ETNK1: variants seen among roughly 807,000 people sequenced by gnomAD.
The protein encoded by ETNK1 is ethanolamine kinase 1, also known as putative protein product of Nbla10396.
Under a neutral mutation model 45.1 loss-of-function variants are expected in ETNK1, and 8 were observed. That is an observed-to-expected ratio of 0.18 (90% confidence interval 0.10 to 0.32). ETNK1 has a LOEUF of 0.32. Among genes scored for constraint, ETNK1 ranks in the 10% least tolerant of loss-of-function variants. The probability of loss-of-function intolerance (pLI) is 1.00; values close to 1 mark genes in which losing one functional copy is unlikely to be tolerated. For synonymous variants in ETNK1, 152 were observed against 151.9 expected (o/e 1.00, Z -0.01); for missense variants, 302 against 430.6 (o/e 0.70, Z 2.64).
chr12:22,679,191 C>G (rs1323472655), intron 6 of ETNK1, among the ~76,000 whole-genome samples: 1 of 152,218 alleles, frequency 6.6e-6, no homozygotes, highest in Non-Finnish European at 1.5e-5. Flanking sequence ...GTTTGAAAGT[C>G]TCAAAACCAG....
At chr12:22,657,248 T>G (rs1159267956) in intron 2 of ETNK1, among the ~76,000 whole-genome samples, 2 of 152,248 alleles carry the variant, frequency 1.3e-5, no homozygotes, top group Non-Finnish European at 2.9e-5. Context: ...AATAAATGTT[T>G]ATTTACTCAT....
intron 2 of ETNK1, among the ~76,000 whole-genome samples, chr12:22,647,125 G>A (rs1169338205): frequency 1.3e-5 from 2 of 151,744 alleles, no homozygotes; most frequent in Admixed American, 1.3e-4. Flanking sequence ...CTTTTTTGTA[G>A]CAATCAGTTA....
intron 2 of ETNK1, among the ~76,000 whole-genome samples, chr12:22,656,079 A>T (rs529832235): frequency 8.5e-5 from 13 of 152,342 alleles, no homozygotes; most frequent in African/African-American, 2.6e-4. Context: ...AAATTTCATT[A>T]ACCTGTAAAT....
In ETNK1 at chr12:22,671,366, T is replaced by G. The variant is rs1354817871; in HGVS notation, c.784+11T>G. ...TCAATGAATTTGCAGGTATAACTAA[T>G]GGAGTAACTTATTTAGCTTTGAAAC... is the stretch of plus-strand genomic sequence containing the variant. On this transcript the variant is annotated intron_variant, in intron 5 of 7. Coordinates refer to ENST00000266517, the MANE Select transcript of ETNK1 (RefSeq NM_018638.5). 4.1e-6 allele frequency: 6 copies of G among 1,468,474 alleles called. No individual in the cohort carries two copies. In the African/African-American group the frequency reaches 8.3e-5, roughly 20 times the overall value. 91.0% of individuals were successfully genotyped at this position (1,468,474 alleles called of 1,614,324 possible).
chr12:22,670,078 TTTTC>T (rs1416749453), intron 4 of ETNK1, among the ~76,000 whole-genome samples: 1 of 152,108 alleles, frequency 6.6e-6, no homozygotes, highest in Admixed American at 6.5e-5. Flanking sequence ...GTAATTTTGT[TTTTC>T]TTTGTGTTTG....
intron 1 of ETNK1, among the ~76,000 whole-genome samples, chr12:22,626,718 A>G (rs1953503546): frequency 6.6e-6 from 1 of 152,224 alleles, no homozygotes; most frequent in Non-Finnish European, 1.5e-5. Flanking sequence ...TAAGCAGATT[A>G]TTTTAAAGGA....
chr12:22,653,291 G>C (rs1388289146), intron 2 of ETNK1, among the ~76,000 whole-genome samples: 3 of 152,120 alleles, frequency 2.0e-5, no homozygotes, highest in African/African-American at 7.2e-5. Context: ...ATCAGGAAGT[G>C]AAAGACTTCC....
intron 1 of ETNK1, among the ~76,000 whole-genome samples, chr12:22,634,808 G>T (rs749189346): frequency 4.7e-4 from 72 of 152,012 alleles, no homozygotes; most frequent in Admixed American, 5.2e-4. Context: ...GCTCACCTTG[G>T]CCTCCCAAAG....
chr12:22,656,662 G>A, intron 2 of ETNK1: 1 of 985,342 alleles, frequency 1.0e-6, no homozygotes, highest in Non-Finnish European at 1.2e-6. Context: ...AGTTCTGACA[G>A]TTCCAGCACG....
At chr12:22,654,961 T>C (rs759426039) in intron 2 of ETNK1, among the ~76,000 whole-genome samples, 5 of 152,222 alleles carry the variant, frequency 3.3e-5, no homozygotes, top group Non-Finnish European at 5.9e-5. Context: ...CTTTCTATTG[T>C]AACTTGTAGG....
rs1414403140 is a variant in ETNK1 at position 22,687,233 on chromosome 12, A to T, written c.*2279A>T. 6.6e-6 allele frequency: 1 copy of T among 152,210 alleles called. No homozygotes were observed. Among genetic ancestry groups the T allele is most frequent in the African/African-American group, 2.4e-5 (1 of 41,402 alleles). 9.4% of individuals were successfully genotyped at this position (152,210 alleles called of 1,614,324 possible). Reference sequence around the variant, plus strand: ...GTATAGGTTTTTGGGATCATGGTGCAGGCTAGTAATAGGATTCAGAATTGC... The same window carrying T: ...GTATAGGTTTTTGGGATCATGGTGCTGGCTAGTAATAGGATTCAGAATTGC... On this transcript the variant is annotated 3_prime_UTR_variant, in exon 8 of 8. Coordinates refer to ENST00000266517, the MANE Select transcript of ETNK1 (RefSeq NM_018638.5).
At chr12:22,625,799 A>G (rs1047755539) in intron 1 of ETNK1, 11 of 769,926 alleles carry the variant, frequency 1.4e-5, no homozygotes, top group Middle Eastern at 2.2e-4. Flanking sequence ...CCTGAGGCAC[A>G]TTTTCTCTTT....
intron 1 of ETNK1, among the ~76,000 whole-genome samples, chr12:22,640,799 A>G (rs1014770891): frequency 2.0e-5 from 3 of 152,108 alleles, no homozygotes; most frequent in Non-Finnish European, 2.9e-5. Context: ...TCAAACTCAA[A>G]CTCTGGCTCT....
chr12:22,633,041 C>G lies in ETNK1; in HGVS notation c.156+7455C>G, dbSNP rs557090300. Among the ~76,000 whole-genome samples the G allele has an allele frequency of 4.6e-5, 7 of 152,190 alleles. No homozygotes were observed. The South Asian group carries it at 1.4e-3, about 32-fold the overall frequency. The stretch of plus-strand genomic sequence containing the variant: ...GTTTTGGCTATCACAAATTATGCTT[C>G]TTACAATTATACTTTTTTTGAACAC... On this transcript the variant is annotated intron_variant, in intron 1 of 7. Transcript: ENST00000266517.
chr12:22,672,853 A>T (rs1186374934), intron 5 of ETNK1, among the ~76,000 whole-genome samples: 1 of 152,178 alleles, frequency 6.6e-6, no homozygotes, highest in Non-Finnish European at 1.5e-5. Context: ...CTAGGTTAGT[A>T]TTTTCCAAAC....
chr12:22,661,394 T>A (rs1289721601), intron 4 of ETNK1, among the ~76,000 whole-genome samples, 189 bp downstream of exon 4: 1 of 152,212 alleles, frequency 6.6e-6, no homozygotes, highest in Non-Finnish European at 1.5e-5. Context: ...CTTTTTATAT[T>A]TGTATAAAAT....
chr12:22,676,240 A>T (rs941275315), intron 6 of ETNK1, among the ~76,000 whole-genome samples: 45 of 152,018 alleles, frequency 3.0e-4, no homozygotes, highest in African/African-American at 1.1e-3. Context: ...ACTCCCACTT[A>T]TGAGTGAGAA....
rs779162414 is a variant in ETNK1 at position 22,685,006 on chromosome 12, C to T, written c.*52C>T. The T allele has an allele frequency of 2.2e-6, 3 of 1,346,258 alleles. No homozygotes were observed. The highest frequency in any genetic ancestry group is 2.3e-5 in the Admixed American group (1 of 42,848). 83.4% of individuals were successfully genotyped at this position (1,346,258 alleles called of 1,614,324 possible). On this transcript the variant is annotated 3_prime_UTR_variant, in exon 8 of 8. Transcript: ENST00000266517. The stretch of plus-strand genomic sequence containing the variant: ...GCTGAGCAATGCTTGTGAATCTTTT[C>T]TTAAGAAATCCCAAAAAGCCAATAT...
rs537372278 is a variant in ETNK1 at position 22,636,840 on chromosome 12, A to G, written c.157-6923A>G. 9.8e-5 allele frequency among the ~76,000 whole-genome samples: 15 copies of G among 152,354 alleles called. No individual in the cohort carries two copies. The South Asian group carries it at 3.1e-3, about 32-fold the overall frequency. ...GTATATGGCAGAATATAAATAGGTT[A>G]TGTGCAAATACTACATCATTCTATA... On this transcript the variant is annotated intron_variant, in intron 1 of 7. Transcript: ENST00000266517.
Sources: allele counts gnomAD v4.1 joint callset (sites outside exome capture counted in the v4.1 genomes callset), GRCh38; gene constraint gnomAD v4.1.1; transcripts MANE v1.5; gene names NCBI Gene and HGNC (gene_info 2026-07-23, HGNC 2026-07-21).